Variants in FOCAD observed in about 807,000 individuals in gnomAD.
The protein encoded by FOCAD is KIAA1797.
In FOCAD, 198 loss-of-function variants were observed where a neutral mutation model predicts 225.6. The ratio of observed to expected loss-of-function variants is 0.88; its 90% CI spans 0.78 to 0.99. The LOEUF (loss-of-function observed/expected upper bound fraction) is 0.99. Ranked by LOEUF, FOCAD falls within the 50% of genes least tolerant of loss-of-function variation. The probability of loss-of-function intolerance (pLI) is 0.00; values close to 1 mark genes in which losing one functional copy is unlikely to be tolerated. For synonymous variants in FOCAD, 897 were observed against 755.0 expected, an observed-to-expected ratio of 1.19 and a Z score of -3.08; for missense variants, 2,713 against 2,123.6, an observed-to-expected ratio of 1.28 and a Z score of -5.46.
At chr9:20,834,799 A>C (rs957928907) in intron 15 of FOCAD, among the ~76,000 whole-genome samples, 6 of 152,070 alleles carry the variant, frequency 3.9e-5, no homozygotes, top group African/African-American at 1.2e-4. Flanking sequence ...GCTGTTAGCC[A>C]CATATGGCTA....
intron 35 of FOCAD, among the ~76,000 whole-genome samples, chr9:20,965,379 T>C (rs1274964226): frequency 6.6e-6 from 1 of 152,138 alleles, no homozygotes; most frequent in Non-Finnish European, 1.5e-5. Flanking sequence ...GAAACTTTGT[T>C]TTTGGGAGTA....
intron 11 of FOCAD, among the ~76,000 whole-genome samples, chr9:20,797,924 C>T (rs943359719): frequency 2.6e-5 from 4 of 152,070 alleles, no homozygotes; most frequent in Non-Finnish European, 4.4e-5. Context: ...TGTCTTGTGC[C>T]GGTTTTCAAA....
intron 4 of FOCAD, among the ~76,000 whole-genome samples, chr9:20,735,125 G>A (rs1827039545): frequency 6.6e-6 from 1 of 152,018 alleles, no homozygotes. Flanking sequence ...TGTGATTTGT[G>A]TATCTCTATT....
At chr9:20,761,740 C>G (rs918900696) in intron 6 of FOCAD, among the ~76,000 whole-genome samples, 4 of 152,198 alleles carry the variant, frequency 2.6e-5, no homozygotes, top group African/African-American at 4.8e-5. Context: ...TTTTTTTACT[C>G]TCTCTCTAGG....
chr9:20,931,990 C>T lies in FOCAD; in HGVS notation c.3318-1024C>T, dbSNP rs113834331. ...TGAAAAAGTCTCCTGAATTTAAGTTCCATCTAAAATTTATTCAGAAGCTGT... is the reference window on the plus strand; with the variant it reads ...TGAAAAAGTCTCCTGAATTTAAGTTTCATCTAAAATTTATTCAGAAGCTGT... On this transcript the variant is annotated intron_variant, in intron 27 of 43. Coordinates refer to ENST00000338382, the MANE Select transcript of FOCAD (RefSeq NM_001375567.1). 5.3e-5 allele frequency among the ~76,000 whole-genome samples: 8 copies of T among 151,772 alleles called. No individual in the cohort carries two copies. The South Asian group carries it at 1.5e-3, about 28-fold the overall frequency.
At chr9:20,918,301 T>G (rs1834042371) in intron 24 of FOCAD, among the ~76,000 whole-genome samples, 1 of 152,260 alleles carries the variant, frequency 6.6e-6, no homozygotes, top group South Asian at 2.1e-4. Context: ...TTTTCCATTC[T>G]AAAATTTTAC....
chr9:20,787,356 A>T (rs1209028016), intron 10 of FOCAD, among the ~76,000 whole-genome samples: 1 of 152,184 alleles, frequency 6.6e-6, no homozygotes, highest in African/African-American at 2.4e-5. Context: ...TTATAACCTA[A>T]GCAGGAAAGT....
Position 20,933,063 on chromosome 9 carries a change from G to A in FOCAD, c.3367G>A (p.Ala1123Thr), listed in dbSNP as rs780868647. The change falls in exon 28 of 44, where the codon GCC (alanine) becomes ACC (threonine). Residue 1123 changes from alanine (A) to threonine (T), a missense_variant. By Grantham distance (58) the Ala-to-Thr change is moderately conservative. Coordinates refer to ENST00000338382, the MANE Select transcript of FOCAD (RefSeq NM_001375567.1). Reference sequence around the variant, plus strand: ...CCTTCTTCTGATGAAGTCGTTGGATGCCCTGGAAAATTGCTGCTTTGACAC... The same window carrying A: ...CCTTCTTCTGATGAAGTCGTTGGATACCCTGGAAAATTGCTGCTTTGACAC... ...MNLLLMKSLDALENCCFDTSL... is the reference protein window; with the variant it reads ...MNLLLMKSLDTLENCCFDTSL... 2.4e-5 allele frequency: 38 copies of A among 1,613,862 alleles called. No homozygotes were observed. Among genetic ancestry groups the A allele is most frequent in the Non-Finnish European group, 3.2e-5 (38 of 1,179,928 alleles).
intron 1 of FOCAD, among the ~76,000 whole-genome samples, chr9:20,697,935 A>G (rs1397890393): frequency 6.6e-6 from 1 of 152,246 alleles, no homozygotes; most frequent in Admixed American, 6.5e-5. Flanking sequence ...GGAACTCTGC[A>G]GGACCATTAT....
chr9:20,905,609 ATAAT>A (rs1832889255), intron 21 of FOCAD, among the ~76,000 whole-genome samples: 1 of 152,056 alleles, frequency 6.6e-6, no homozygotes, highest in Non-Finnish European at 1.5e-5. Context: ...GGGCTCGAAG[ATAAT>A]TAATATATTT....
upstream of FOCAD, among the ~76,000 whole-genome samples, chr9:20,680,952 C>T (rs549764705): frequency 3.9e-5 from 6 of 152,230 alleles, no homozygotes; most frequent in Non-Finnish European, 8.8e-5. Context: ...GAGCTATGAT[C>T]GTGTCACTGT....
intron 15 of FOCAD, among the ~76,000 whole-genome samples, chr9:20,825,488 A>G (rs115407834): frequency 2.6e-4 from 39 of 152,208 alleles, no homozygotes; most frequent in African/African-American, 8.9e-4. Flanking sequence ...TACTGTTTAG[A>G]TCCTTGACTA....
At chr9:20,834,198 A>T (rs1825772574) in intron 15 of FOCAD, among the ~76,000 whole-genome samples, 1 of 152,050 alleles carries the variant, frequency 6.6e-6, no homozygotes. Flanking sequence ...CTAACACGGG[A>T]ACAGAAAACC....
chr9:20,907,359 T>C, intron 22 of FOCAD, 117 bp downstream of exon 22: 2 of 799,698 alleles, frequency 2.5e-6, no homozygotes, highest in Non-Finnish European at 4.2e-6. Flanking sequence ...AAAAATGTAA[T>C]GGTTATTTTT....
intron 4 of FOCAD, among the ~76,000 whole-genome samples, chr9:20,736,225 A>T (rs1429990861): frequency 1.3e-5 from 2 of 151,786 alleles, no homozygotes; most frequent in African/African-American, 4.8e-5. Flanking sequence ...AGGTTATAGG[A>T]TTTTTTTTAT....
At position 20,944,639 on chromosome 9, in the gene FOCAD, A is replaced by G. The variant is rs1473833429; in HGVS notation, c.3420A>G (p.Ile1140Met). ...DTSLEYNTGC[I>M]LGVGLVLSLM... is the part of the protein sequence containing the mutation. ...TTTGGCTTCCAAGCACGGGCTGTAT[A>G]TTGGGAGTTGGACTTGTTCTGTCCC... Residue 1140 changes from isoleucine (I) to methionine (M), a missense_variant, in exon 29 of 44, where the codon ATA becomes ATG. Coordinates refer to ENST00000338382, the MANE Select transcript of FOCAD (RefSeq NM_001375567.1). 2 of 1,613,500 alleles carry G rather than the reference A, an allele frequency of 1.2e-6. No individual in the cohort carries two copies. Among genetic ancestry groups the G allele is most frequent in the East Asian group, 2.2e-5 (1 of 44,860 alleles).
chr9:20,670,451 A>C (rs1487113124), intron 2 of FOCAD, among the ~76,000 whole-genome samples: 1 of 152,194 alleles, frequency 6.6e-6, no homozygotes, highest in Admixed American at 6.5e-5. Context: ...GAAATTTACA[A>C]TCATAGTAGA....
intron 2 of FOCAD, among the ~76,000 whole-genome samples, chr9:20,671,377 A>C (rs1421012046): frequency 6.6e-6 from 1 of 152,188 alleles, no homozygotes; most frequent in African/African-American, 2.4e-5. Context: ...TGTGTGGACA[A>C]TCCTGTTATC....
At chr9:20,987,056 A>G (rs1841238903) in intron 40 of FOCAD, among the ~76,000 whole-genome samples, 1 of 152,112 alleles carries the variant, frequency 6.6e-6, no homozygotes, top group Admixed American at 6.5e-5. Flanking sequence ...TCATATTTAC[A>G]ATTTCTGGAG....
Sources: allele counts gnomAD v4.1 joint callset (sites outside exome capture counted in the v4.1 genomes callset), GRCh38; gene constraint gnomAD v4.1.1; transcripts MANE v1.5; gene names NCBI Gene and HGNC (gene_info 2026-07-23, HGNC 2026-07-21).